GPC3: variants seen among roughly 807,000 people sequenced by gnomAD.
The protein encoded by GPC3 is glypican-3.
In GPC3, 3 loss-of-function variants were observed where a neutral mutation model predicts 34.4. The observed-to-expected ratio is 0.09, with a 90% CI of 0.04 to 0.23. The LOEUF (loss-of-function observed/expected upper bound fraction) is 0.23, where lower values mean the gene tolerates loss of function less well. Ranked by LOEUF, GPC3 falls within the 10% of genes least tolerant of loss-of-function variation. The pLI is 1.00. For synonymous variants in GPC3, 177 were observed against 174.0 expected, an observed-to-expected ratio of 1.02 and a Z score of -0.13; for missense variants, 351 against 445.6, an observed-to-expected ratio of 0.79 and a Z score of 1.91.
intron 7 of GPC3, among the ~76,000 whole-genome samples, chrX:133,583,201 C>G: frequency 9.0e-6 from 1 of 110,764 alleles, no homozygotes; most frequent in Non-Finnish European, 1.9e-5. Flanking sequence ...GTTTGCTCCA[C>G]CATATTGATT....
rs2069490530 is a variant in GPC3, at chrX:133,556,574, T to C, written c.1574-20281A>G. Among the ~76,000 whole-genome samples the C allele has an allele frequency of 2.7e-5, 3 of 109,985 alleles. No individual in the cohort carries two copies. In the South Asian group the frequency reaches 1.2e-3, roughly 45 times the overall value. On this transcript the variant is annotated intron_variant, in intron 7 of 7. Coordinates refer to ENST00000370818, the MANE Select transcript of GPC3 (RefSeq NM_004484.4). ...GAACATACCACCTTTGGGTACATGG[T>C]GATTCCTACATGCCAAGGTCCTGGC...
rs912015946 is a variant in GPC3 at position 133,886,435 on chromosome X, A to G, written c.337+66615T>C. On this transcript the variant is annotated intron_variant, in intron 2 of 7. Coordinates refer to ENST00000370818, the MANE Select transcript of GPC3 (RefSeq NM_004484.4). ...AATTCTTTTTAAAAAAATTCATTAG[A>G]TATTGACAAATTATAATTGCATATA... 1.8e-4 allele frequency among the ~76,000 whole-genome samples: 20 copies of G among 111,834 alleles called. 1 individual carries two copies. The highest frequency in any genetic ancestry group is 6.5e-4 in the African/African-American group (20 of 30,814).
chrX:133,623,384 G>A lies in GPC3; in HGVS notation c.1414-26785C>T, dbSNP rs749166375. On this transcript the variant is annotated intron_variant, in intron 6 of 7. Transcript: ENST00000370818. ...ACTGGCAAATTGGATAAAGAGTCAAGACCCATCAGTGTGCTGTATTCAGGA... is the reference window on the plus strand; with the variant it reads ...ACTGGCAAATTGGATAAAGAGTCAAAACCCATCAGTGTGCTGTATTCAGGA... Among the ~76,000 whole-genome samples the A allele has an allele frequency of 3.6e-5, 4 of 111,798 alleles. No individual in the cohort carries two copies. In the East Asian group the frequency reaches 1.1e-3, roughly 31 times the overall value.
intron 6 of GPC3, among the ~76,000 whole-genome samples, chrX:133,631,828 C>T (rs953230608): frequency 9.1e-6 from 1 of 109,625 alleles, no homozygotes; most frequent in African/African-American, 3.3e-5. Flanking sequence ...TTGGGTATGA[C>T]GTGATAACTC....
chrX:133,616,328 A>T (rs2070163390), intron 6 of GPC3, among the ~76,000 whole-genome samples: 1 of 112,013 alleles, frequency 8.9e-6, no homozygotes, highest in Non-Finnish European at 1.9e-5. Flanking sequence ...GAAGTGTGAG[A>T]CTTATACACT....
At chrX:133,775,693 C>T (rs955723692) in intron 2 of GPC3, among the ~76,000 whole-genome samples, 15 of 111,623 alleles carry the variant, frequency 1.3e-4, no homozygotes, top group African/African-American at 4.9e-4. Flanking sequence ...TGGACATAAA[C>T]AATTCACTAC....
At chrX:133,667,564 T>A (rs1166543365) in intron 5 of GPC3, among the ~76,000 whole-genome samples, 1 of 111,454 alleles carries the variant, frequency 9.0e-6, no homozygotes, top group East Asian at 2.9e-4. Flanking sequence ...ATATAGCCCA[T>A]ATTGGCTGGG....
In GPC3 at chrX:133,753,907, G is replaced by A. The variant is rs756480292; in HGVS notation, c.607C>T (p.Arg203Cys). The A allele has an allele frequency of 4.1e-6, 5 of 1,210,084 alleles. No homozygotes were observed. In the African/African-American group the frequency reaches 5.2e-5, roughly 13 times the overall value. Residue 203 changes from arginine (R) to cysteine (C), a missense_variant, in exon 3 of 8, where the codon CGT (arginine) becomes TGT (cysteine). Physicochemically the swap from Arg to Cys is radical, Grantham distance 180. Transcript: ENST00000370818. ...DINECLRGARRDLKVFGNFPK... is the reference protein window; with the variant it reads ...DINECLRGARCDLKVFGNFPK... ...AAATTCCCAAATACTTTCAGGTCAC[G>A]TCTTGCTCCTCGGAGGCACTCATTG...
chrX:133,580,679 A>G (rs1042586560), intron 7 of GPC3, among the ~76,000 whole-genome samples: 17 of 112,337 alleles, frequency 1.5e-4, no homozygotes, highest in Non-Finnish European at 3.8e-5. Flanking sequence ...TTCTAGTGCT[A>G]TGTGTCACAG....
At chrX:133,842,059 G>A (rs2075826992) in intron 2 of GPC3, among the ~76,000 whole-genome samples, 1 of 112,238 alleles carries the variant, frequency 8.9e-6, no homozygotes, top group South Asian at 3.7e-4. Flanking sequence ...GCTCACGCCT[G>A]TAATCCCAGT....
chrX:133,921,048 C>T (rs1191652604), intron 2 of GPC3, among the ~76,000 whole-genome samples: 1 of 112,043 alleles, frequency 8.9e-6, no homozygotes, highest in Non-Finnish European at 1.9e-5. Flanking sequence ...AAATTTTTGC[C>T]TCACTCAAGA....
At chrX:133,867,677 G>A (rs1045280297) in intron 2 of GPC3, among the ~76,000 whole-genome samples, 7 of 109,174 alleles carry the variant, frequency 6.4e-5, no homozygotes, top group Non-Finnish European at 9.5e-5. Context: ...CCTGAATGGG[G>A]ACAGGCATTC....
At chrX:133,817,612 TCAG>T (rs1262259436) in intron 2 of GPC3, among the ~76,000 whole-genome samples, 1 of 110,257 alleles carries the variant, frequency 9.1e-6, no homozygotes, top group African/African-American at 3.3e-5. Context: ...TTACTAGAAG[TCAG>T]CAGGACTCCT....
chrX:133,560,738 CA>C (rs5903866), intron 7 of GPC3, among the ~76,000 whole-genome samples: 5 of 96,470 alleles, frequency 5.2e-5, no homozygotes, highest in Admixed American at 1.2e-4. Context: ...GACTCTGTCT[CA>C]AAAAAAAAAA....
intron 6 of GPC3, among the ~76,000 whole-genome samples, chrX:133,622,098 T>C (rs1216763475): frequency 4.5e-5 from 5 of 111,838 alleles, no homozygotes; most frequent in Non-Finnish European, 9.4e-5. Flanking sequence ...TTTCTGACTG[T>C]TAGAAGGAAA....
intron 7 of GPC3, among the ~76,000 whole-genome samples, chrX:133,546,507 T>TAG (rs750530626): frequency 1.8e-5 from 2 of 109,067 alleles, no homozygotes; most frequent in Non-Finnish European, 3.8e-5. Flanking sequence ...CATAAACAAA[T>TAG]AGAGAGAGAG....
At chrX:133,732,056 C>G (rs2071467416) in intron 3 of GPC3, among the ~76,000 whole-genome samples, 2 of 111,785 alleles carry the variant, frequency 1.8e-5, no homozygotes, top group Admixed American at 1.9e-4. Context: ...AATACTTAAG[C>G]TGGGAAGTCT....
At chrX:133,886,700 T>C (rs2076063274) in intron 2 of GPC3, among the ~76,000 whole-genome samples, 1 of 112,387 alleles carries the variant, frequency 8.9e-6, no homozygotes, top group Non-Finnish European at 1.9e-5. Context: ...GTGGTATTTT[T>C]GTCTTTCTGT....
chrX:133,813,918 G>A (rs777415861), intron 2 of GPC3, among the ~76,000 whole-genome samples: 1 of 112,217 alleles, frequency 8.9e-6, no homozygotes, highest in African/African-American at 3.2e-5. Context: ...TCTCAAGCAT[G>A]GATGGCCTGC....
Sources: allele counts gnomAD v4.1 joint callset (sites outside exome capture counted in the v4.1 genomes callset), GRCh38; gene constraint gnomAD v4.1.1; transcripts MANE v1.5; gene names NCBI Gene and HGNC (gene_info 2026-07-23, HGNC 2026-07-21).